ZNF678: variants seen among roughly 807,000 people sequenced by gnomAD.
The protein encoded by ZNF678 is zinc finger protein 678, also known as hypothetical protein MGC42493.
ZNF678 carries 5 observed loss-of-function variants against 3.0 expected under a neutral mutation model. The ratio of observed to expected loss-of-function variants is 1.69; its 90% CI spans 0.88 to 3.56. ZNF678 has a LOEUF of 3.56. Among genes scored for constraint, ZNF678 ranks in the 30% most tolerant of loss-of-function variants. The probability of loss-of-function intolerance (pLI) is 0.00; values close to 1 mark genes in which losing one functional copy is unlikely to be tolerated. For missense variants in ZNF678, 593 were observed against 605.0 expected (o/e 0.98, Z 0.21); for synonymous variants, 218 against 199.6 (o/e 1.09, Z -0.78).
chr1:227,574,858 A>G (rs920265812), intron 1 of ZNF678, among the ~76,000 whole-genome samples: 2 of 152,178 alleles, frequency 1.3e-5, no homozygotes, highest in Non-Finnish European at 2.9e-5. Flanking sequence ...GAAGGGGTCC[A>G]ATTTCAATCT....
chr1:227,621,082 T>A (rs1658269855), intron 1 of ZNF678, among the ~76,000 whole-genome samples: 1 of 152,122 alleles, frequency 6.6e-6, no homozygotes, highest in Admixed American at 6.5e-5. Flanking sequence ...TGAGACCTCA[T>A]CTCTATTGAA....
intron 1 of ZNF678, among the ~76,000 whole-genome samples, chr1:227,592,738 A>G (rs1354924725): frequency 6.6e-6 from 1 of 152,238 alleles, no homozygotes; most frequent in Non-Finnish European, 1.5e-5. Flanking sequence ...GTGAGAGTTG[A>G]AAGACCTATA....
At chr1:227,671,245 T>TAA (rs368559721) in intron 5 of ZNF678, among the ~76,000 whole-genome samples, 1 of 145,048 alleles carries the variant, frequency 6.9e-6, no homozygotes, top group East Asian at 2.0e-4. Flanking sequence ...CTCTACAAAT[T>TAA]AAAAAAAAAA....
chr1:227,641,014 C>T (rs1203323902), intron 1 of ZNF678, among the ~76,000 whole-genome samples: 5 of 152,210 alleles, frequency 3.3e-5, no homozygotes, highest in Admixed American at 2.0e-4. Context: ...ATTTTCAGAC[C>T]GGAGAAATCA....
In ZNF678 at chr1:227,658,798, T is replaced by A. The variant is rs1025149691; in HGVS notation, c.*2970T>A. ...CTCTACACAGTTTATAGGATTAAAT[T>A]ACTGAGTTAGTAATGTTTGTATGAA... On this transcript the variant is annotated 3_prime_UTR_variant, in exon 4 of 4. Coordinates refer to ENST00000343776, the MANE Select transcript of ZNF678 (RefSeq NM_001367909.1). The A allele has an allele frequency of 2.6e-5, 4 of 152,054 alleles. No individual in the cohort carries two copies. The highest frequency in any genetic ancestry group is 1.9e-4 in the East Asian group (1 of 5,188). 9.4% of individuals were successfully genotyped at this position (152,054 alleles called of 1,614,324 possible). A position where few individuals can be genotyped will look rare whatever the true frequency, so the allele number is the denominator to read the frequency against.
intron 2 of ZNF678, among the ~76,000 whole-genome samples, chr1:227,646,893 G>T (rs1365101620): frequency 6.6e-6 from 1 of 152,120 alleles, no homozygotes; most frequent in African/African-American, 2.4e-5. Flanking sequence ...CTAGATGACT[G>T]GTAATTCCAG....
intron 2 of ZNF678, among the ~76,000 whole-genome samples, chr1:227,647,773 C>T (rs892828652): frequency 6.6e-6 from 1 of 152,084 alleles, no homozygotes; most frequent in African/African-American, 2.4e-5. Flanking sequence ...TTATAAGGCA[C>T]TATATAATCT....
chr1:227,573,285 TTGTC>T (rs1656901347), intron 1 of ZNF678, among the ~76,000 whole-genome samples: 1 of 152,256 alleles, frequency 6.6e-6, no homozygotes, highest in Non-Finnish European at 1.5e-5. Context: ...AAGTGTGTCA[TTGTC>T]TGTTTTTAAT....
chr1:227,604,513 G>A (rs1657816445), intron 1 of ZNF678, among the ~76,000 whole-genome samples: 1 of 152,044 alleles, frequency 6.6e-6, no homozygotes, highest in South Asian at 2.1e-4. Context: ...AGCCACCTGA[G>A]TAGCTGGGAC....
chr1:227,625,318 T>C (rs1323115979), intron 1 of ZNF678, among the ~76,000 whole-genome samples: 1 of 151,856 alleles, frequency 6.6e-6, no homozygotes, highest in Admixed American at 6.6e-5. Context: ...GTTGGGGAGG[T>C]TGGCCGACGA....
intron 1 of ZNF678, among the ~76,000 whole-genome samples, chr1:227,644,495 T>C (rs1020008535): frequency 2.0e-5 from 3 of 152,212 alleles, no homozygotes; most frequent in African/African-American, 7.2e-5. Flanking sequence ...GTCTTCACTT[T>C]GGATCATAAA....
At chr1:227,599,791 T>C (rs893942238) in intron 1 of ZNF678, among the ~76,000 whole-genome samples, 1 of 152,204 alleles carries the variant, frequency 6.6e-6, no homozygotes, top group Non-Finnish European at 1.5e-5. Flanking sequence ...TTCTTAAAAA[T>C]AAATTCAGCT....
intron 1 of ZNF678, among the ~76,000 whole-genome samples, chr1:227,605,640 T>G (rs1409519823): frequency 6.6e-6 from 1 of 152,216 alleles, no homozygotes; most frequent in East Asian, 1.9e-4. Context: ...AAAGTACATT[T>G]AGCCAAAATT....
At chr1:227,617,791 A>G (rs547851823) in intron 1 of ZNF678, among the ~76,000 whole-genome samples, 32 of 152,340 alleles carry the variant, frequency 2.1e-4, no homozygotes, top group African/African-American at 7.5e-4. Flanking sequence ...ATATCCTCCA[A>G]AATGAAGCTA....
At chr1:227,635,191 T>G (rs180777345) in intron 1 of ZNF678, among the ~76,000 whole-genome samples, 1 of 152,348 alleles carries the variant, frequency 6.6e-6, no homozygotes, top group African/African-American at 2.4e-5. Flanking sequence ...TTATATGTAT[T>G]TTCTTTGAAA....
chr1:227,626,732 C>T (rs1658427325), intron 1 of ZNF678, among the ~76,000 whole-genome samples: 1 of 151,992 alleles, frequency 6.6e-6, no homozygotes. Context: ...GTCATTTGAG[C>T]GTTTCATTCA....
In ZNF678 at chr1:227,607,936, A is replaced by G. The variant is rs538651290; in HGVS notation, c.-163-38608A>G. ...AAATAATTTGTTTTAGTATATAGGAAAAATTGACACAACAAATGTTAACTA... is the reference window on the plus strand; with the variant it reads ...AAATAATTTGTTTTAGTATATAGGAGAAATTGACACAACAAATGTTAACTA... On this transcript the variant is annotated intron_variant, in intron 1 of 3. Coordinates refer to ENST00000343776, the MANE Select transcript of ZNF678 (RefSeq NM_001367909.1). 4.6e-5 allele frequency among the ~76,000 whole-genome samples: 7 copies of G among 151,544 alleles called. No homozygotes were observed. In the South Asian group the frequency reaches 1.2e-3, roughly 27 times the overall value.
rs573745545 is a variant in ZNF678 at position 227,638,559 on chromosome 1, C to T, written c.-163-7985C>T. ...GGTGTGGTGTTTTGCGCCTAAACAGCGGGGTTGACTACAGATGGGGGATAA... is the reference window on the plus strand; with the variant it reads ...GGTGTGGTGTTTTGCGCCTAAACAGTGGGGTTGACTACAGATGGGGGATAA... On this transcript the variant is annotated intron_variant, in intron 1 of 3. Coordinates refer to ENST00000343776, the MANE Select transcript of ZNF678 (RefSeq NM_001367909.1). The surrounding 1 kb of genome is among the most constrained non-coding windows in gnomAD (Gnocchi z 4.2). Among the ~76,000 whole-genome samples, 18 of 151,918 alleles carry T rather than the reference C, an allele frequency of 1.2e-4. No homozygotes were observed. In the East Asian group the frequency reaches 2.5e-3, roughly 21 times the overall value.
At chr1:227,610,025 G>A (rs557253946) in intron 1 of ZNF678, among the ~76,000 whole-genome samples, 4 of 152,114 alleles carry the variant, frequency 2.6e-5, no homozygotes, top group Admixed American at 6.5e-5. Flanking sequence ...GAGCCACCGC[G>A]CTCGACCCTC....
Sources: allele counts gnomAD v4.1 joint callset (sites outside exome capture counted in the v4.1 genomes callset), GRCh38; gene constraint gnomAD v4.1.1; non-coding constraint Gnocchi (gnomAD v3.1); transcripts MANE v1.5; gene names NCBI Gene and HGNC (gene_info 2026-07-23, HGNC 2026-07-21).